Variants in LNP1 observed in about 807,000 individuals in gnomAD.
The protein encoded by LNP1 is leukemia NUP98 fusion partner 1.
Under a neutral mutation model 14.5 loss-of-function variants are expected in LNP1, and 12 were observed. That is an observed-to-expected ratio of 0.83 (90% confidence interval 0.53 to 1.34). The LOEUF (loss-of-function observed/expected upper bound fraction) is 1.34. LNP1 is among the 40% of genes most tolerant of loss of function. The probability of loss-of-function intolerance (pLI) is 0.00; values close to 1 mark genes in which losing one functional copy is unlikely to be tolerated. For missense variants in LNP1, 198 were observed against 210.9 expected, an observed-to-expected ratio of 0.94 and a Z score of 0.38; for synonymous variants, 75 against 71.4, an observed-to-expected ratio of 1.05 and a Z score of -0.26.
At chr3:100,437,699 T>C (rs1707304895) in intron 2 of LNP1, among the ~76,000 whole-genome samples, 1 of 152,222 alleles carries the variant, frequency 6.6e-6, no homozygotes, top group Non-Finnish European at 1.5e-5. Context: ...ACTCTTCATA[T>C]AAAATTCTTT....
chr3:100,413,777 T>C (rs1476936212), intron 1 of LNP1, among the ~76,000 whole-genome samples: 3 of 152,242 alleles, frequency 2.0e-5, no homozygotes, highest in Non-Finnish European at 4.4e-5. Context: ...CTTCTTTTTA[T>C]GATTTGCATG....
chr3:100,419,165 C>T (rs1189530968), intron 1 of LNP1, among the ~76,000 whole-genome samples: 1 of 152,174 alleles, frequency 6.6e-6, no homozygotes, highest in Non-Finnish European at 1.5e-5. Flanking sequence ...TATTAGTTTT[C>T]ATGTGGGGAT....
chr3:100,455,773 T>C lies in LNP1; in HGVS notation c.388-4T>C, dbSNP rs1707504456. The C allele has an allele frequency of 6.2e-7, 1 of 1,613,560 alleles. No individual in the cohort carries two copies. Among genetic ancestry groups the C allele is most frequent in the Non-Finnish European group, 8.5e-7 (1 of 1,179,836 alleles). On this transcript the variant is annotated splice_polypyrimidine_tract_variant and splice_region_variant and intron_variant, in intron 3 of 3. Transcript: ENST00000383693. The stretch of plus-strand genomic sequence containing the variant: ...TTTACCTGTTTCTGATCTTTCCCTT[T>C]CAGGGACCTGAAAGCAGAAAGGAGA...
At position 100,423,766 on chromosome 3, in the gene LNP1, C is replaced by T. The variant is rs999216033; in HGVS notation, c.-33-5931C>T. ...TTCTCAGCTCAGAAGCTGCAGCTGT[C>T]GCAGTCACTTGGCAGCTTTTGCATC... On this transcript the variant is annotated intron_variant, in intron 1 of 3. Coordinates refer to ENST00000383693, the MANE Select transcript of LNP1 (RefSeq NM_001085451.2). 2.0e-5 allele frequency among the ~76,000 whole-genome samples: 3 copies of T among 152,116 alleles called. No individual in the cohort carries two copies. The East Asian group carries it at 5.8e-4, about 29-fold the overall frequency.
At chr3:100,453,081 G>A (rs56967732) in intron 3 of LNP1, among the ~76,000 whole-genome samples, 11,955 of 152,178 alleles carry the variant, frequency 0.079, 1,136 homozygotes, top group African/African-American at 0.23. Context: ...ATACTTGGGT[G>A]CTTCGTATTT....
intron 2 of LNP1, among the ~76,000 whole-genome samples, chr3:100,442,291 A>C (rs1707351331): frequency 6.6e-6 from 1 of 152,148 alleles, no homozygotes; most frequent in Non-Finnish European, 1.5e-5. Context: ...GATCAAGAAG[A>C]TGTGAACCCT....
chr3:100,452,922 CT>C (rs57677048), intron 3 of LNP1, among the ~76,000 whole-genome samples: 69,655 of 151,886 alleles, frequency 0.46, 16,288 homozygotes, highest in East Asian at 0.73. Flanking sequence ...CAAAATGCTT[CT>C]TTTTTTGTAG....
At chr3:100,402,864 A>C (rs1706926018) in intron 1 of LNP1, among the ~76,000 whole-genome samples, 1 of 152,208 alleles carries the variant, frequency 6.6e-6, no homozygotes, top group Non-Finnish European at 1.5e-5. Context: ...TCAGCTGCAC[A>C]GTTCCCCTCT....
In LNP1 at chr3:100,451,914, C is replaced by A; in HGVS notation, c.352C>A (p.Gln118Lys). 3 of 1,613,768 alleles carry A rather than the reference C, an allele frequency of 1.9e-6. No individual in the cohort carries two copies. The highest frequency in any genetic ancestry group is 1.7e-6 in the Non-Finnish European group (2 of 1,179,862). ...GAAATTTTCAGAGTCCTTTGAACGG[C>A]AACTGTGCTTTAGAACCAAGCGTTC... ...IEKFSESFER[Q>K]LCFRTKRSAS... is the part of the protein sequence containing the mutation. The change falls in exon 3 of 4, where the codon CAA becomes AAA. Residue 118 changes from glutamine (Q) to lysine (K), a missense_variant. Transcript: ENST00000383693.
intron 2 of LNP1, among the ~76,000 whole-genome samples, chr3:100,438,015 T>G (rs1576233873): frequency 1.3e-5 from 2 of 152,298 alleles, no homozygotes; most frequent in Admixed American, 6.5e-5. Flanking sequence ...CCTTGTTGAC[T>G]TTATTCTGAA....
rs1430777474 is a variant in LNP1 at position 100,429,941 on chromosome 3, C to A, written c.156+56C>A. On this transcript the variant is annotated intron_variant, in intron 2 of 3. Transcript: ENST00000383693. The stretch of plus-strand genomic sequence containing the variant: ...AGCTGGAATAGGGGAGGGGGTTTCT[C>A]TTAGATAATTTTTTGAGGAATCTTT... 5.8e-6 allele frequency: 9 copies of A among 1,541,760 alleles called. No homozygotes were observed. The African/African-American group carries it at 1.3e-4, about 21-fold the overall frequency.
intron 1 of LNP1, among the ~76,000 whole-genome samples, chr3:100,422,599 C>A (rs1707154618): frequency 1.3e-5 from 2 of 152,110 alleles, no homozygotes; most frequent in Non-Finnish European, 2.9e-5. Flanking sequence ...AGATGAGAAT[C>A]AGGGCTGTGT....
intron 2 of LNP1, among the ~76,000 whole-genome samples, chr3:100,432,163 G>T (rs1441974652): frequency 6.7e-6 from 1 of 150,350 alleles, no homozygotes; most frequent in Non-Finnish European, 1.5e-5. Flanking sequence ...CTTCTCTCCT[G>T]ACTGCTCTAA....
intron 1 of LNP1, among the ~76,000 whole-genome samples, chr3:100,421,707 A>G (rs1241800389): frequency 2.0e-5 from 3 of 152,166 alleles, no homozygotes; most frequent in African/African-American, 7.2e-5. Flanking sequence ...AAAAAGAGAG[A>G]AATTTCTGGG....
chr3:100,427,642 G>A (rs1429644210), intron 1 of LNP1, among the ~76,000 whole-genome samples: 1 of 152,192 alleles, frequency 6.6e-6, no homozygotes, highest in African/African-American at 2.4e-5. Flanking sequence ...CCAGTTTGGG[G>A]ATTTGCTAGA....
intron 1 of LNP1, among the ~76,000 whole-genome samples, chr3:100,403,948 G>A (rs1706938896): frequency 6.6e-6 from 1 of 152,292 alleles, no homozygotes; most frequent in Non-Finnish European, 1.5e-5. Flanking sequence ...CTGGTTGACT[G>A]GTGTCCAAAC....
intron 2 of LNP1, among the ~76,000 whole-genome samples, chr3:100,450,618 T>G (rs1166215079): frequency 6.6e-6 from 1 of 152,180 alleles, no homozygotes; most frequent in Non-Finnish European, 1.5e-5. Flanking sequence ...ATTACAGGCA[T>G]GAGCCACCAC....
intron 1 of LNP1, among the ~76,000 whole-genome samples, chr3:100,423,053 C>G (rs1707159772): frequency 1.3e-5 from 2 of 152,004 alleles, no homozygotes; most frequent in South Asian, 4.1e-4. Context: ...TGCCACTAAA[C>G]AAGAGTCTGA....
At chr3:100,414,030 C>G (rs1463634858) in intron 1 of LNP1, among the ~76,000 whole-genome samples, 1 of 151,298 alleles carries the variant, frequency 6.6e-6, no homozygotes, top group Non-Finnish European at 1.5e-5. Context: ...ACATTCAAAG[C>G]TGCAAAAAAA....
Sources: gnomAD v4.1 joint callset for allele counts (sites outside exome capture counted in the v4.1 genomes callset) on GRCh38, gnomAD v4.1.1 for gene constraint, MANE v1.5 for transcripts, NCBI Gene and HGNC (gene_info 2026-07-23, HGNC 2026-07-21) for gene names.